PUM2: variants seen among roughly 807,000 people sequenced by gnomAD.
The protein encoded by PUM2 is pumilio homolog 2.
A neutral mutation model predicts 124.5 loss-of-function variants in PUM2; 57 were observed. That is an observed-to-expected ratio of 0.46 (90% CI 0.37 to 0.57). PUM2 has a LOEUF of 0.57. Ranked by LOEUF, PUM2 falls within the 20% of genes least tolerant of loss-of-function variation. PUM2 has a pLI of 0.00. For synonymous variants in PUM2, 460 were observed against 446.1 expected (o/e 1.03, Z -0.39); for missense variants, 1,065 against 1,290.6 (o/e 0.83, Z 2.68).
At chr2:20,331,257 G>C (rs1684851141) in intron 1 of PUM2, among the ~76,000 whole-genome samples, 1 of 140,660 alleles carries the variant, frequency 7.1e-6, no homozygotes, top group Non-Finnish European at 1.5e-5. Flanking sequence ...TGGCCATGTG[G>C]TCACTCACTG....
At chr2:20,302,611 T>C (rs1468889925) in intron 7 of PUM2, among the ~76,000 whole-genome samples, 4 of 152,196 alleles carry the variant, frequency 2.6e-5, no homozygotes. Flanking sequence ...TATTTCAAAG[T>C]AATCTTGTTC....
At chr2:20,281,434 A>G (rs1246048933) in intron 12 of PUM2, among the ~76,000 whole-genome samples, 2 of 152,202 alleles carry the variant, frequency 1.3e-5, no homozygotes, top group African/African-American at 4.8e-5. Context: ...GATCAGTGAC[A>G]TACTACGTGA....
chr2:20,328,863 A>C (rs1684273334), intron 1 of PUM2, among the ~76,000 whole-genome samples: 1 of 152,166 alleles, frequency 6.6e-6, no homozygotes, highest in African/African-American at 2.4e-5. Flanking sequence ...TAAATTGAAA[A>C]TGTTGTATTT....
chr2:20,278,858 GTTAACTGAATA>G (rs767918775), intron 12 of PUM2, 39 bp from the exon 13 acceptor site: 7 of 1,458,464 alleles, frequency 4.8e-6, no homozygotes, highest in Non-Finnish European at 6.7e-6. Flanking sequence ...TACATACAGT[GTTAACTGAATA>G]AAATCTATCC....
intron 3 of PUM2, among the ~76,000 whole-genome samples, chr2:20,314,566 G>A (rs1680421274): frequency 6.6e-6 from 1 of 152,130 alleles, no homozygotes; most frequent in Non-Finnish European, 1.5e-5. Context: ...TTTGTGACAG[G>A]TATAAATACT....
rs1186317893 is a variant in PUM2 at position 20,297,694 on chromosome 2, G to T, written c.884-16C>A. ...AATACACCAGCTATATTTTAAAAGGGGAGAAATAATAAACAACAATGTAAA... is the reference window on the plus strand; with the variant it reads ...AATACACCAGCTATATTTTAAAAGGTGAGAAATAATAAACAACAATGTAAA... On this transcript the variant is annotated splice_polypyrimidine_tract_variant and intron_variant, in intron 7 of 20. Coordinates refer to ENST00000361078, the MANE Select transcript of PUM2 (RefSeq NM_015317.5). 1.2e-6 allele frequency: 2 copies of T among 1,602,534 alleles called. No individual in the cohort carries two copies. Among genetic ancestry groups the T allele is most frequent in the African/African-American group, 1.3e-5 (1 of 74,532 alleles).
chr2:20,308,893 A>G (rs1406347398), intron 5 of PUM2, among the ~76,000 whole-genome samples: 2 of 152,202 alleles, frequency 1.3e-5, no homozygotes, highest in Non-Finnish European at 2.9e-5. Context: ...ATACTACCTG[A>G]AATCTCTGTC....
In PUM2 at chr2:20,255,194, C is replaced by G. The variant is rs760051326; in HGVS notation, c.2748+22G>C. Reference sequence around the variant, plus strand: ...AATTTCCAAAAATATATAAACATTTCAAATTATTAGGGAATTTATACCTGT... The same window carrying G: ...AATTTCCAAAAATATATAAACATTTGAAATTATTAGGGAATTTATACCTGT... On this transcript the variant is annotated intron_variant, in intron 18 of 20. Coordinates refer to ENST00000361078, the MANE Select transcript of PUM2 (RefSeq NM_015317.5). 5.4e-5 allele frequency: 84 copies of G among 1,567,110 alleles called. No homozygotes were observed. The South Asian group carries it at 9.4e-4, about 18-fold the overall frequency.
chr2:20,339,577 T>G (rs571106908), intron 1 of PUM2, among the ~76,000 whole-genome samples: 8 of 152,166 alleles, frequency 5.3e-5, no homozygotes, highest in Admixed American at 1.3e-4. Context: ...ACCATCTGAT[T>G]TAAAAGAAAA....
intron 2 of PUM2, among the ~76,000 whole-genome samples, chr2:20,318,909 A>G (rs1048121472): frequency 6.6e-6 from 1 of 152,190 alleles, no homozygotes; most frequent in Non-Finnish European, 1.5e-5. Flanking sequence ...TTTTATTACA[A>G]TGTAAATTTA....
intron 3 of PUM2, among the ~76,000 whole-genome samples, chr2:20,316,191 A>G (rs1483298115): frequency 6.6e-6 from 1 of 152,248 alleles, no homozygotes; most frequent in African/African-American, 2.4e-5. Context: ...TATAATGTTT[A>G]AAGAAAATTT....
rs369418221 is a variant in PUM2, at chr2:20,299,183, G to A, written c.884-1505C>T. The stretch of plus-strand genomic sequence containing the variant: ...CCAGACTTGTGATCAGTGTGTGTTG[G>A]GGGTGGAAAGCAGTCCTGGAGACTG... On this transcript the variant is annotated intron_variant, in intron 7 of 20. Coordinates refer to ENST00000361078, the MANE Select transcript of PUM2 (RefSeq NM_015317.5). Among the ~76,000 whole-genome samples the A allele has an allele frequency of 2.6e-5, 4 of 152,198 alleles. No homozygotes were observed. In the East Asian group the frequency reaches 5.8e-4, roughly 22 times the overall value.
intron 3 of PUM2, among the ~76,000 whole-genome samples, chr2:20,312,762 A>G (rs1413769409): frequency 2.0e-5 from 3 of 152,162 alleles, no homozygotes; most frequent in Non-Finnish European, 4.4e-5. Flanking sequence ...CATAGCCAAG[A>G]CAATCCTAAG....
chr2:20,326,374 T>C, intron 2 of PUM2: 1 of 1,304,280 alleles, frequency 7.7e-7, no homozygotes, highest in African/African-American at 1.5e-5. Context: ...AGACTTGGAC[T>C]CTTTTCTGCA....
chr2:20,263,001 A>T (rs1471825765), intron 14 of PUM2, among the ~76,000 whole-genome samples, 192 bp downstream of exon 14: 1 of 152,230 alleles, frequency 6.6e-6, no homozygotes, highest in African/African-American at 2.4e-5. Context: ...AAAACTGGAA[A>T]ACTATAAAAA....
chr2:20,287,197 T>C (rs1446448055), intron 10 of PUM2, among the ~76,000 whole-genome samples: 1 of 152,202 alleles, frequency 6.6e-6, no homozygotes, highest in Non-Finnish European at 1.5e-5. Flanking sequence ...CTCTAAGACA[T>C]TTCCCATCTA....
At chr2:20,303,597 T>C (rs1677518300) in intron 7 of PUM2, among the ~76,000 whole-genome samples, 1 of 152,204 alleles carries the variant, frequency 6.6e-6, no homozygotes, top group Non-Finnish European at 1.5e-5. Context: ...CTGGAAAAGT[T>C]TACAGTTTTC....
chr2:20,279,260 AG>A (rs1207150363), intron 12 of PUM2, among the ~76,000 whole-genome samples: 1 of 152,176 alleles, frequency 6.6e-6, no homozygotes, highest in Non-Finnish European at 1.5e-5. Context: ...ATAAATAATT[AG>A]TACATTTCCT....
intron 1 of PUM2, among the ~76,000 whole-genome samples, chr2:20,345,570 C>A (rs910667427): frequency 1.3e-5 from 2 of 151,812 alleles, no homozygotes; most frequent in Non-Finnish European, 1.5e-5. Context: ...ACATCTGCAA[C>A]GCTCAAAAAA....
Sources: gnomAD v4.1 joint callset for allele counts (sites outside exome capture counted in the v4.1 genomes callset) on GRCh38, gnomAD v4.1.1 for gene constraint, MANE v1.5 for transcripts, NCBI Gene and HGNC (gene_info 2026-07-23, HGNC 2026-07-21) for gene names.